MAN2A2: variants seen among roughly 807,000 people sequenced by gnomAD.
MAN2A2 encodes the protein mannosidase alpha class 2A member 2.
Under a neutral mutation model 126.8 loss-of-function variants are expected in MAN2A2, and 79 were observed. That is an observed-to-expected ratio of 0.62 (90% CI 0.52 to 0.75). MAN2A2 has a LOEUF of 0.75. MAN2A2 is among the 30% of genes least tolerant of loss of function. MAN2A2 has a pLI of 0.00. For missense variants in MAN2A2, 1,392 were observed against 1,522.4 expected (o/e 0.91, Z 1.43); for synonymous variants, 671 against 618.7 (o/e 1.08, Z -1.25).
rs1289194181 is a variant in MAN2A2 at position 90,910,586 on chromosome 15, C to T, written c.1663C>T (p.Leu555Phe). Residue 555 changes from leucine to phenylalanine, a missense_variant, in exon 11 of 23, where the codon CTC (leucine) becomes TTC (phenylalanine). By Grantham distance (22) the Leu-to-Phe change is conservative. Coordinates refer to ENST00000559717, the MANE Select transcript of MAN2A2 (RefSeq NM_006122.4). Reference protein sequence around the residue: ...AGRYPLSDFTLLTEARRTLGL... With the variant: ...AGRYPLSDFTFLTEARRTLGL... Reference sequence around the variant, plus strand: ...CCGGTACCCACTGTCTGATTTCACCCTCCTGACGGAAGCTCGGCGCACATT... The same window carrying T: ...CCGGTACCCACTGTCTGATTTCACCTTCCTGACGGAAGCTCGGCGCACATT... 3 of 1,614,218 alleles carry T rather than the reference C, an allele frequency of 1.9e-6. No homozygotes were observed. In the South Asian group the frequency reaches 3.3e-5, roughly 18 times the overall value.
Position 90,910,826 on chromosome 15 carries a change from C to T in MAN2A2, c.1761-21C>T, listed in dbSNP as rs1211335649. 5.0e-6 allele frequency: 8 copies of T among 1,608,874 alleles called. No homozygotes were observed. In the African/African-American group the frequency reaches 6.7e-5, roughly 13 times the overall value. The stretch of plus-strand genomic sequence containing the variant: ...TCCCTATGGTCATCTTCTCTCCTTC[C>T]CTCTCCTGCGCCACCCACAGGCTTC... On this transcript the variant is annotated intron_variant, in intron 11 of 22. Coordinates refer to ENST00000559717, the MANE Select transcript of MAN2A2 (RefSeq NM_006122.4).
Position 90,913,690 on chromosome 15 carries a change from A to G in MAN2A2, c.2795A>G (p.Gln932Arg), listed in dbSNP as rs2034952773. The change falls in exon 19 of 23, where the codon CAG becomes CGG. Residue 932 changes from glutamine to arginine, a missense_variant. Gln to Arg is a conservative substitution (Grantham distance 43). Transcript: ENST00000559717. The stretch of plus-strand genomic sequence containing the variant: ...CCCATGCCAGTCATGGCCTATATCC[A>G]GGACGCACAGAAGCGCCTCACGCTG... ...FYPMPVMAYI[Q>R]DAQKRLTLHT... 1 of 1,609,628 alleles carries G rather than the reference A, an allele frequency of 6.2e-7. No homozygotes were observed. Among genetic ancestry groups the G allele is most frequent in the African/African-American group, 1.3e-5 (1 of 74,866 alleles).
In MAN2A2 at chr15:90,921,277, T is replaced by C. The variant is rs183860057; in HGVS notation, c.*1490T>C. The C allele has an allele frequency of 1.1e-4, 17 of 152,370 alleles. No homozygotes were observed. Among genetic ancestry groups the C allele is most frequent in the African/African-American group, 4.1e-4 (17 of 41,582 alleles). The allele number at this position is 152,370 out of a possible 1,614,324, so 9.4% of individuals were successfully genotyped here. A position where few individuals can be genotyped will look rare whatever the true frequency, so the allele number is the denominator to read the frequency against. ...CATGTTCCTGTCCACATACTGGTTT[T>C]CCCCAAATCAGCTGATAAATTCAGT... On this transcript the variant is annotated 3_prime_UTR_variant, in exon 23 of 23. Coordinates refer to ENST00000559717, the MANE Select transcript of MAN2A2 (RefSeq NM_006122.4).
intron 19 of MAN2A2, 133 bp from the exon 20 acceptor site, chr15:90,915,990 C>A (rs2035143254): frequency 9.8e-7 from 1 of 1,018,230 alleles, no homozygotes; most frequent in Non-Finnish European, 1.4e-6. Flanking sequence ...CCCGTGACCT[C>A]TCCTGAGTGA....
intron 8 of MAN2A2, 116 bp downstream of exon 8, chr15:90,907,611 G>A (rs1181273968): frequency 2.0e-5 from 18 of 922,724 alleles, no homozygotes; most frequent in Admixed American, 2.8e-5. Flanking sequence ...AGCCTCTGCA[G>A]CAGCAGCTCC....
Position 90,907,342 on chromosome 15 carries a change from T to A in MAN2A2, c.1043T>A (p.Met348Lys). ...TCCAGCACAGACATCTTCTGTCACA[T>A]GATGCCCTTCTACAGCTATGACGTC... is the stretch of plus-strand genomic sequence containing the variant. Reference protein sequence around the residue: ...SDSSTDIFCHMMPFYSYDVPH... With the variant: ...SDSSTDIFCHKMPFYSYDVPH... Residue 348 changes from methionine to lysine, a missense_variant, in exon 8 of 23, where the codon ATG (methionine) becomes AAG (lysine). Coordinates refer to ENST00000559717, the MANE Select transcript of MAN2A2 (RefSeq NM_006122.4). The A allele has an allele frequency of 6.2e-7, 1 of 1,614,144 alleles. No individual in the cohort carries two copies. Among genetic ancestry groups the A allele is most frequent in the Non-Finnish European group, 8.5e-7 (1 of 1,179,980 alleles).
Position 90,910,263 on chromosome 15 carries a change from C to T in MAN2A2, c.1548C>T (p.Ser516=). The part of the protein sequence containing the change: ...GYYTSRPFYK[S]LDRVLEAHLR... Reference sequence around the variant, plus strand: ...ACACTTCCCGGCCCTTCTACAAGAGCTTAGACCGAGTCCTGGAAGCCCACC... The same window carrying T: ...ACACTTCCCGGCCCTTCTACAAGAGTTTAGACCGAGTCCTGGAAGCCCACC... The change falls in exon 10 of 23, where the codon AGC becomes AGT. Residue 516 remains serine, a synonymous_variant. Coordinates refer to ENST00000559717, the MANE Select transcript of MAN2A2 (RefSeq NM_006122.4). 1.2e-6 allele frequency: 2 copies of T among 1,614,146 alleles called. No individual in the cohort carries two copies. The highest frequency in any genetic ancestry group is 1.7e-6 in the Non-Finnish European group (2 of 1,180,002).
At position 90,922,342 on chromosome 15, in the gene MAN2A2, A is replaced by G. The variant is rs2035579303; in HGVS notation, c.*2555A>G. ...TGTTGCTGCCCGTATTAGGCCACAC[A>G]GTGGAACCCCATTTATATCATAGCA... On this transcript the variant is annotated 3_prime_UTR_variant, in exon 23 of 23. Transcript: ENST00000559717. 1 of 152,218 alleles carries G rather than the reference A, an allele frequency of 6.6e-6. No homozygotes were observed. Among genetic ancestry groups the G allele is most frequent in the African/African-American group, 2.4e-5 (1 of 41,468 alleles). 9.4% of individuals were successfully genotyped at this position (152,218 alleles called of 1,614,324 possible). A position where few individuals can be genotyped will look rare whatever the true frequency, so the allele number is the denominator to read the frequency against.
rs745548359 is a variant in MAN2A2 at position 90,904,198 on chromosome 15, G to A, written c.-10G>A. 6.2e-7 allele frequency: 1 copy of A among 1,614,208 alleles called. No individual in the cohort carries two copies. The highest frequency in any genetic ancestry group is 8.5e-7 in the Non-Finnish European group (1 of 1,180,026). ...GGTGTCCTTCCTGCCAGGTGTGTGTGGAGGCCAGTATGAAGCTGAAAAAGC... is the reference window on the plus strand; with the variant it reads ...GGTGTCCTTCCTGCCAGGTGTGTGTAGAGGCCAGTATGAAGCTGAAAAAGC... On this transcript the variant is annotated 5_prime_UTR_variant, in exon 2 of 23. Transcript: ENST00000559717.
chr15:90,905,165 C>A, intron 2 of MAN2A2, 86 bp from the exon 3 acceptor site: 1 of 1,452,200 alleles, frequency 6.9e-7, no homozygotes, highest in Non-Finnish European at 9.4e-7. Context: ...AAGAATTGTA[C>A]TCAGGCCTCA....
rs1453695251 is a variant in MAN2A2, at chr15:90,906,796, C to G, written c.892C>G (p.Pro298Ala). Residue 298 changes from proline (P) to alanine (A), a missense_variant, in exon 7 of 23, where the codon CCT (proline) becomes GCT (alanine). Pro to Ala is a conservative substitution (Grantham distance 27). Transcript: ENST00000559717. The part of the protein sequence containing the change: ...VDPFGYSSTM[P>A]YLLRRANLTS... ...CCCCTTTGGATACAGCTCCACCATG[C>G]CTTACCTGCTGCGCCGTGCCAACCT... 6.2e-7 allele frequency: 1 copy of G among 1,613,916 alleles called. No individual in the cohort carries two copies. The highest frequency in any genetic ancestry group is 8.5e-7 in the Non-Finnish European group (1 of 1,179,984).
At chr15:90,907,525 G>T in intron 8 of MAN2A2, 30 bp downstream of exon 8, 1 of 1,589,256 alleles carries the variant, frequency 6.3e-7, no homozygotes. Context: ...TCACTTCACA[G>T]AGGAATCGGG....
chr15:90,918,840 A>C (rs1596184898), intron 22 of MAN2A2, 85 bp downstream of exon 22: 1 of 1,007,836 alleles, frequency 9.9e-7, no homozygotes, highest in Non-Finnish European at 1.5e-6. Context: ...ACAGGCTGGG[A>C]GAAGAAAGTG....
Position 90,905,584 on chromosome 15 carries a change from C to T in MAN2A2, c.396C>T (p.Leu132=), listed in dbSNP as rs1596139129. ...AGCTGCAGTTCACCTGGCAGATGCTCACTGTGTCGGAGGAGCTGCCGTTTG... is the reference window on the plus strand; with the variant it reads ...AGCTGCAGTTCACCTGGCAGATGCTTACTGTGTCGGAGGAGCTGCCGTTTG... ...GRGQKPELQM[L]TVSEELPFDN... The change falls in exon 4 of 23, where the codon CTC becomes CTT. Residue 132 remains leucine (L), a synonymous_variant. Coordinates refer to ENST00000559717, the MANE Select transcript of MAN2A2 (RefSeq NM_006122.4). 11 of 1,614,148 alleles carry T rather than the reference C, an allele frequency of 6.8e-6. No individual in the cohort carries two copies. Among genetic ancestry groups the T allele is most frequent in the East Asian group, 4.5e-5 (2 of 44,890 alleles).
At chr15:90,912,745 C>G in intron 16 of MAN2A2, 81 bp downstream of exon 16, 1 of 1,593,920 alleles carries the variant, frequency 6.3e-7, no homozygotes, top group Non-Finnish European at 8.6e-7. Context: ...TTGCTGCCTG[C>G]CAGGGGCCTT....
In MAN2A2 at chr15:90,912,792, G is replaced by A. The variant is rs1440008585; in HGVS notation, c.2470-85G>A. On this transcript the variant is annotated intron_variant, in intron 16 of 22. Transcript: ENST00000559717. ...TCAGCCCAGGGGTGTCTGGGAATAGGTGCTCTCTTGCCCAGCCCTGGGCTG... is the reference window on the plus strand; with the variant it reads ...TCAGCCCAGGGGTGTCTGGGAATAGATGCTCTCTTGCCCAGCCCTGGGCTG... 3.2e-6 allele frequency: 5 copies of A among 1,548,942 alleles called. No individual in the cohort carries two copies. The African/African-American group carries it at 5.5e-5, about 17-fold the overall frequency.
chr15:90,911,505 C>G lies in MAN2A2; in HGVS notation c.2064C>G (p.Ser688Arg). ...EEGQPLAVQI[S>R]AHWSSATEAV... is the part of the protein sequence containing the mutation. ...GTCAGCCCCTGGCCGTGCAGATCAGCGCACACTGGAGCTCTGCCACCGAGG... is the reference window on the plus strand; with the variant it reads ...GTCAGCCCCTGGCCGTGCAGATCAGGGCACACTGGAGCTCTGCCACCGAGG... Residue 688 changes from serine to arginine, a missense_variant, in exon 14 of 23, where the codon AGC becomes AGG. Ser to Arg is a moderately radical substitution (Grantham distance 110). Transcript: ENST00000559717. 1 of 1,614,000 alleles carries G rather than the reference C, an allele frequency of 6.2e-7. No homozygotes were observed. The highest frequency in any genetic ancestry group is 8.5e-7 in the Non-Finnish European group (1 of 1,180,008).
At position 90,919,648 on chromosome 15, in the gene MAN2A2, G is replaced by C; in HGVS notation, c.3314G>C (p.Ser1105Thr). 6.2e-7 allele frequency: 1 copy of C among 1,614,146 alleles called. No individual in the cohort carries two copies. Among genetic ancestry groups the C allele is most frequent in the Non-Finnish European group, 8.5e-7 (1 of 1,180,016 alleles). ...TGCTCTCCACAGGTAGCCCTGGGCA[G>C]CCTTTTCCATGGCCTGGATGTGGTA... Reference protein sequence around the residue: ...TTSQGKVALGSLFHGLDVVFL... With the variant: ...TTSQGKVALGTLFHGLDVVFL... Residue 1105 changes from serine (S) to threonine (T), a missense_variant, in exon 23 of 23, where the codon AGC becomes ACC. Transcript: ENST00000559717.
chr15:90,918,595 G>T (rs376746978), intron 21 of MAN2A2, 50 bp from the exon 22 acceptor site: 90 of 1,364,120 alleles, frequency 6.6e-5, no homozygotes, highest in Non-Finnish European at 9.1e-5. Flanking sequence ...CTGCATCTCC[G>T]ATCTCTGAAA....
Sources: allele counts gnomAD v4.1 joint callset, GRCh38; gene constraint gnomAD v4.1.1; transcripts MANE v1.5; gene names NCBI Gene and HGNC (gene_info 2026-07-23, HGNC 2026-07-21).